Variants in CELF2 observed in about 807,000 individuals in gnomAD.
The protein encoded by CELF2 is CUGBP Elav-like family member 2.
CELF2 carries 8 observed loss-of-function variants against 62.6 expected under a neutral mutation model. The ratio of observed to expected loss-of-function variants is 0.13; its 90% CI spans 0.07 to 0.23. The LOEUF (loss-of-function observed/expected upper bound fraction) is 0.23, where lower values mean the gene tolerates loss of function less well. Among genes scored for constraint, CELF2 ranks in the 10% least tolerant of loss-of-function variants. The pLI, the probability that CELF2 is intolerant of heterozygous loss-of-function variation, is 1.00. For synonymous variants in CELF2, 258 were observed against 250.0 expected (o/e 1.03, Z -0.30); for missense variants, 333 against 671.0 (o/e 0.50, Z 5.56).
At chr10:10,704,140 T>G in the CELF2 span, among the ~76,000 whole-genome samples, 7 of 152,210 alleles carry the variant, frequency 4.6e-5, no homozygotes, top group Non-Finnish European at 1.0e-4. Context: ...TTTAATGTCT[T>G]GAGTCCTAGA....
intron 2 of CELF2, among the ~76,000 whole-genome samples, chr10:10,967,388 A>T (rs2050233298): frequency 6.6e-6 from 1 of 152,190 alleles, no homozygotes; most frequent in Admixed American, 6.5e-5. Context: ...ACTAGGCTTG[A>T]CTGAACACTT....
intron 7 of CELF2, among the ~76,000 whole-genome samples, chr10:11,273,750 C>T (rs1398478567): frequency 6.7e-6 from 1 of 149,356 alleles, no homozygotes; most frequent in Non-Finnish European, 1.5e-5. Flanking sequence ...GAGACAGAGT[C>T]TTGCTCTGTT....
At chr10:10,490,596 G>A in the CELF2 span, among the ~76,000 whole-genome samples, 3 of 151,868 alleles carry the variant, frequency 2.0e-5, no homozygotes, top group African/African-American at 7.3e-5. Context: ...GTGCACAATA[G>A]GCTGGAAATT....
At chr10:10,903,103 G>A (rs953370159) in intron 1 of CELF2, among the ~76,000 whole-genome samples, 1 of 152,202 alleles carries the variant, frequency 6.6e-6, no homozygotes. Flanking sequence ...TTTCTTTGGA[G>A]CTCCTCAGTA....
At chr10:11,253,509 G>C (rs1324204558) in intron 4 of CELF2, among the ~76,000 whole-genome samples, 2 of 152,220 alleles carry the variant, frequency 1.3e-5, no homozygotes, top group Admixed American at 6.5e-5. Context: ...TCAAAGTGGA[G>C]AGACTTACAG....
the CELF2 span, among the ~76,000 whole-genome samples, chr10:10,523,567 C>T: frequency 4.6e-5 from 7 of 152,118 alleles, no homozygotes; most frequent in African/African-American, 1.7e-4. Context: ...TAGACTCTCA[C>T]TGAGGCTGAA....
chr10:10,485,166 C>G, the CELF2 span, among the ~76,000 whole-genome samples: 1 of 152,036 alleles, frequency 6.6e-6, no homozygotes, highest in Admixed American at 6.6e-5. Context: ...CATTGCCTAC[C>G]ATTTCTGATC....
At position 11,333,993 on chromosome 10, in the gene CELF2, A is replaced by T. The variant is rs1311871667; in HGVS notation, c.*4940A>T. The T allele has an allele frequency of 6.6e-6, 1 of 152,432 alleles. No homozygotes were observed. Among genetic ancestry groups the T allele is most frequent in the Non-Finnish European group, 1.5e-5 (1 of 68,016 alleles). The allele number at this position is 152,432 out of a possible 1,614,324, so 9.4% of individuals were successfully genotyped here. ...GATTGATTGATTGATTGATAGAAAG[A>T]AAGTTGCTTTTCTTTTGAGAATTAA... On this transcript the variant is annotated 3_prime_UTR_variant, in exon 13 of 13. Transcript: ENST00000633077.
At chr10:10,572,640 G>A in the CELF2 span, among the ~76,000 whole-genome samples, 1 of 151,994 alleles carries the variant, frequency 6.6e-6, no homozygotes, top group African/African-American at 2.4e-5. Flanking sequence ...AGTTTAATGA[G>A]GATAATGCCT....
At chr10:11,095,355 C>T (rs1192221140) in intron 1 of CELF2, among the ~76,000 whole-genome samples, 2 of 152,188 alleles carry the variant, frequency 1.3e-5, no homozygotes, top group African/African-American at 4.8e-5. Context: ...TGTGCGGCAT[C>T]ATCCCACAAT....
the CELF2 span, among the ~76,000 whole-genome samples, chr10:10,687,575 G>C: frequency 6.6e-6 from 1 of 152,086 alleles, no homozygotes; most frequent in African/African-American, 2.4e-5. Context: ...GTCATTGGCT[G>C]GCTAAATATC....
At chr10:10,641,262 A>G in the CELF2 span, among the ~76,000 whole-genome samples, 4 of 152,200 alleles carry the variant, frequency 2.6e-5, no homozygotes, top group Admixed American at 1.3e-4. Flanking sequence ...TGCAACCTTC[A>G]GCACGTGACT....
intron 2 of CELF2, among the ~76,000 whole-genome samples, chr10:11,210,494 C>A (rs2061539355): frequency 6.6e-6 from 1 of 152,188 alleles, no homozygotes; most frequent in African/African-American, 2.4e-5. Context: ...TCTCATTAGC[C>A]CTCAAGTTGT....
rs2095412765 is a variant in CELF2 at position 11,321,010 on chromosome 10, T to TC, written c.1097-174dup. 8.8e-6 allele frequency: 12 copies of TC among 1,361,058 alleles called. No individual in the cohort carries two copies. The South Asian group carries it at 1.5e-4, about 18-fold the overall frequency. 84.3% of individuals were successfully genotyped at this position (1,361,058 alleles called of 1,614,324 possible). A position where few individuals can be genotyped will look rare whatever the true frequency, so the allele number is the denominator to read the frequency against. ...AGGGTTCTCATGGCTTAGGTCATTT[T>TC]CCCCCATTATCACGATTTATTTCTT... On this transcript the variant is annotated intron_variant, in intron 10 of 12. Transcript: ENST00000633077. The surrounding 1 kb of genome is among the most constrained non-coding windows in gnomAD (Gnocchi z 6.2).
Position 10,955,554 on chromosome 10 carries a change from G to A in CELF2, c.89+35555G>A, listed in dbSNP as rs146255066. ...TCTCGACGTATGAACTCATTCAACCGTCAGCCACCTGTGTGGAGTAGGTAC... is the reference window on the plus strand; with the variant it reads ...TCTCGACGTATGAACTCATTCAACCATCAGCCACCTGTGTGGAGTAGGTAC... On this transcript the variant is annotated intron_variant, in intron 2 of 13. Transcript: ENST00000636488. Among the ~76,000 whole-genome samples the A allele has an allele frequency of 3.2e-3, 488 of 152,304 alleles. 1 individual carries two copies. Among genetic ancestry groups the A allele is most frequent in the African/African-American group, 0.011 (438 of 41,572 alleles).
the CELF2 span, among the ~76,000 whole-genome samples, chr10:10,768,147 C>T: frequency 7.0e-6 from 1 of 143,654 alleles, no homozygotes; most frequent in East Asian, 2.0e-4. Context: ...TCCTGGGCAA[C>T]AGAGCAAGAC....
chr10:11,044,982 G>T (rs1035929887), intron 1 of CELF2, among the ~76,000 whole-genome samples: 8 of 152,108 alleles, frequency 5.3e-5, no homozygotes, highest in Non-Finnish European at 8.8e-5. Context: ...GCCTCTACTC[G>T]CCTGTTTATT....
chr10:11,316,595 C>G lies in CELF2; in HGVS notation c.1096+2337C>G, dbSNP rs1485936169. 2.6e-5 allele frequency among the ~76,000 whole-genome samples: 4 copies of G among 152,184 alleles called. No individual in the cohort carries two copies. In the East Asian group the frequency reaches 7.7e-4, roughly 29 times the overall value. ...CAGCTTCTCAAATAGTTGACGGCAG[C>G]TTCCATAGCACTGCTATGAATCCCA... On this transcript the variant is annotated intron_variant, in intron 10 of 12. Coordinates refer to ENST00000633077, the MANE Select transcript of CELF2 (RefSeq NM_001326342.2). The surrounding 1 kb of genome is among the most constrained non-coding windows in gnomAD (Gnocchi z 4.4).
At chr10:10,811,478 A>G (rs2055881715) in intron 1 of CELF2, among the ~76,000 whole-genome samples, 1 of 152,032 alleles carries the variant, frequency 6.6e-6, no homozygotes, top group Non-Finnish European at 1.5e-5. Context: ...TCCCACAGAG[A>G]TGGGGGGAGA....
Sources: gnomAD v4.1 joint callset for allele counts (sites outside exome capture counted in the v4.1 genomes callset) on GRCh38, gnomAD v4.1.1 for gene constraint, Gnocchi (gnomAD v3.1) non-coding constraint, MANE v1.5 for transcripts, NCBI Gene and HGNC (gene_info 2026-07-23, HGNC 2026-07-21) for gene names.